The following CLMN variants were observed in gnomAD, a reference collection of about 807,000 sequenced individuals.
The protein encoded by CLMN is calmin.
In CLMN, 57 loss-of-function variants were observed where a neutral mutation model predicts 92.7. The observed-to-expected ratio is 0.61, with a 90% confidence interval of 0.50 to 0.77. CLMN has a LOEUF of 0.77. Among genes scored for constraint, CLMN ranks in the 30% least tolerant of loss-of-function variants. CLMN has a pLI of 0.00. For missense variants in CLMN, 1,158 were observed against 1,237.5 expected, an observed-to-expected ratio of 0.94 and a Z score of 0.96; for synonymous variants, 466 against 470.6, an observed-to-expected ratio of 0.99 and a Z score of 0.13.
chr14:95,232,183 G>A (rs1216860661), intron 1 of CLMN, among the ~76,000 whole-genome samples: 1 of 152,276 alleles, frequency 6.6e-6, no homozygotes, highest in Non-Finnish European at 1.5e-5. Flanking sequence ...CCCAGTGCCA[G>A]TGTCTGGGTG....
Position 95,304,139 on chromosome 14 carries a change from G to A in CLMN, c.82+15572C>T, listed in dbSNP as rs1197003137. 5.9e-5 allele frequency among the ~76,000 whole-genome samples: 9 copies of A among 152,150 alleles called. No individual in the cohort carries two copies. In the East Asian group the frequency reaches 1.7e-3, roughly 29 times the overall value. On this transcript the variant is annotated intron_variant, in intron 1 of 12. Transcript: ENST00000298912. ...GATCACTTGAGCCCAGGAGTTTGATGCCAACCTGGGCAACATAGTGAGACT... is the reference window on the plus strand; with the variant it reads ...GATCACTTGAGCCCAGGAGTTTGATACCAACCTGGGCAACATAGTGAGACT...
rs181372420 is a variant in CLMN, at chr14:95,266,541, T to C, written c.83-36408A>G. 3.2e-4 allele frequency among the ~76,000 whole-genome samples: 48 copies of C among 152,142 alleles called. No homozygotes were observed. In the East Asian group the frequency reaches 3.5e-3, roughly 11 times the overall value. On this transcript the variant is annotated intron_variant, in intron 1 of 12. Coordinates refer to ENST00000298912, the MANE Select transcript of CLMN (RefSeq NM_024734.4). ...ACTATAAAACACTGATGAAAGAAAC[T>C]GAAGAAGACAAAACAATGGAAAGAT...
chr14:95,319,728 C>A lies in CLMN; in HGVS notation c.65G>T (p.Arg22Leu). The A allele has an allele frequency of 6.3e-7, 1 of 1,598,824 alleles. No individual in the cohort carries two copies. The highest frequency in any genetic ancestry group is 1.1e-5 in the South Asian group (1 of 90,660). ...TGCGTTACCTTGCAGGTTCTGCACT[C>A]GGATGTCGCTAATCTGCCCGATGAG... ...EELIGQISDIRVQNLQVEREN... is the reference protein window; with the variant it reads ...EELIGQISDILVQNLQVEREN... Residue 22 changes from arginine to leucine, a missense_variant, in exon 1 of 13, where the codon CGA becomes CTA. Transcript: ENST00000298912.
intron 1 of CLMN, among the ~76,000 whole-genome samples, chr14:95,245,169 TTATATTATATATATATATA>T (rs1898415352): frequency 1.8e-5 from 1 of 55,676 alleles, no homozygotes; most frequent in African/African-American, 7.2e-5. Context: ...CTGTAACTGG[TTATATTATATATATATATA>T]TATATAATAT....
At chr14:95,243,591 G>A (rs377102761) in intron 1 of CLMN, among the ~76,000 whole-genome samples, 1 of 151,346 alleles carries the variant, frequency 6.6e-6, no homozygotes, top group East Asian at 1.9e-4. Flanking sequence ...GAATCCAGGG[G>A]AGCATGGAGA....
intron 9 of CLMN, among the ~76,000 whole-genome samples, chr14:95,198,812 G>A (rs1896796595): frequency 6.6e-6 from 1 of 152,196 alleles, no homozygotes; most frequent in Non-Finnish European, 1.5e-5. Context: ...GAAAGCATTC[G>A]AGAACAAACT....
chr14:95,242,791 A>C (rs1292773271), intron 1 of CLMN, among the ~76,000 whole-genome samples: 2 of 136,834 alleles, frequency 1.5e-5, no homozygotes, highest in East Asian at 4.5e-4. Context: ...ATGGTCTCGA[A>C]CTCCAGACCT....
rs976766545 is a variant in CLMN, at chr14:95,280,168, C to T, written c.82+39543G>A. On this transcript the variant is annotated intron_variant, in intron 1 of 12. Coordinates refer to ENST00000298912, the MANE Select transcript of CLMN (RefSeq NM_024734.4). ...AATTGAACATTGGAATAAAGCACAA[C>T]AGGATTTTCTTAGACCATTGGTCTG... is the stretch of plus-strand genomic sequence containing the variant. Among the ~76,000 whole-genome samples, 9 of 152,132 alleles carry T rather than the reference C, an allele frequency of 5.9e-5. No individual in the cohort carries two copies. In the South Asian group the frequency reaches 8.3e-4, roughly 14 times the overall value.
intron 1 of CLMN, among the ~76,000 whole-genome samples, chr14:95,297,253 A>T (rs1278612413): frequency 2.0e-5 from 3 of 152,228 alleles, no homozygotes; most frequent in African/African-American, 7.2e-5. Context: ...TCACAGAACC[A>T]AAATGGCCAC....
intron 9 of CLMN, among the ~76,000 whole-genome samples, chr14:95,196,934 G>A (rs776733302): frequency 2.0e-5 from 3 of 152,168 alleles, no homozygotes; most frequent in Non-Finnish European, 4.4e-5. Flanking sequence ...AACAATATAG[G>A]TTCTAGAGTT....
intron 8 of CLMN, among the ~76,000 whole-genome samples, chr14:95,206,987 G>A (rs1365508075): frequency 6.6e-6 from 1 of 150,912 alleles, no homozygotes; most frequent in Non-Finnish European, 1.5e-5. Flanking sequence ...ACAAAAATTT[G>A]TTATGTTACA....
At chr14:95,218,377 T>C (rs1461321044) in intron 4 of CLMN, among the ~76,000 whole-genome samples, 1 of 152,132 alleles carries the variant, frequency 6.6e-6, no homozygotes, top group Admixed American at 6.5e-5. Context: ...GGGCAGCCCA[T>C]CTCTGACACG....
At position 95,221,769 on chromosome 14, in the gene CLMN, G is replaced by T. The variant is rs183593127; in HGVS notation, c.246C>A (p.His82Gln). The T allele has an allele frequency of 1.9e-6, 3 of 1,614,064 alleles. No individual in the cohort carries two copies. The highest frequency in any genetic ancestry group is 2.5e-6 in the Non-Finnish European group (3 of 1,179,984). ...TACGATGCGACGAGGATTTGTATTC[G>T]TGCAGCTATAAAACAGAACAGAACA... The part of the protein sequence containing the change: ...LEVLSGRNLL[H>Q]EYKSSSHRIF... The change falls in exon 4 of 13, where the codon CAC (histidine) becomes CAA (glutamine). Residue 82 changes from histidine (H) to glutamine (Q), a missense_variant. Coordinates refer to ENST00000298912, the MANE Select transcript of CLMN (RefSeq NM_024734.4).
At chr14:95,316,386 C>G (rs1449921218) in intron 1 of CLMN, among the ~76,000 whole-genome samples, 1 of 152,250 alleles carries the variant, frequency 6.6e-6, no homozygotes, top group East Asian at 1.9e-4. Context: ...GAGGGCTCCT[C>G]CTTGACGAAC....
intron 1 of CLMN, among the ~76,000 whole-genome samples, chr14:95,315,645 A>C (rs1361346125): frequency 6.6e-6 from 1 of 152,162 alleles, no homozygotes; most frequent in African/African-American, 2.4e-5. Flanking sequence ...TCCCTTCTGC[A>C]CTGTGCAACC....
In CLMN at chr14:95,256,911, G is replaced by A. The variant is rs1566898298; in HGVS notation, c.83-26778C>T. The stretch of plus-strand genomic sequence containing the variant: ...GTTAGCAGATAGGGAAAAGGAGAGG[G>A]CATTCTCCATGTTGGGAACAGCAAG... On this transcript the variant is annotated intron_variant, in intron 1 of 12. Coordinates refer to ENST00000298912, the MANE Select transcript of CLMN (RefSeq NM_024734.4). This position sits in a 1 kb window ranked among gnomAD's most constrained non-coding sequence, Gnocchi z 4.9. 6.6e-6 allele frequency among the ~76,000 whole-genome samples: 1 copy of A among 152,188 alleles called. No homozygotes were observed. Among genetic ancestry groups the A allele is most frequent in the Non-Finnish European group, 1.5e-5 (1 of 68,042 alleles).
chr14:95,205,554 T>C (rs1234749409), intron 8 of CLMN, among the ~76,000 whole-genome samples: 4 of 152,212 alleles, frequency 2.6e-5, no homozygotes, highest in African/African-American at 9.6e-5. Context: ...CTTCAAAGTT[T>C]TCTTAAAAAG....
chr14:95,229,669 A>G (rs1337893731), intron 2 of CLMN, among the ~76,000 whole-genome samples: 1 of 152,130 alleles, frequency 6.6e-6, no homozygotes, highest in Non-Finnish European at 1.5e-5. Flanking sequence ...AAATAGCAAC[A>G]TTATGTGACT....
intron 1 of CLMN, among the ~76,000 whole-genome samples, chr14:95,293,380 CCCT>C (rs1305297245): frequency 1.6e-4 from 21 of 130,678 alleles, no homozygotes; most frequent in Admixed American, 3.8e-4. Context: ...TTCCTTCCCT[CCCT>C]CCTTCCTTCC....
Sources: gnomAD v4.1 joint callset for allele counts (sites outside exome capture counted in the v4.1 genomes callset) on GRCh38, gnomAD v4.1.1 for gene constraint, Gnocchi (gnomAD v3.1) non-coding constraint, MANE v1.5 for transcripts, NCBI Gene and HGNC (gene_info 2026-07-23, HGNC 2026-07-21) for gene names.